Variants in MAGI2 observed in about 807,000 individuals in gnomAD.
MAGI2 encodes membrane associated guanylate kinase, WW and PDZ domain containing 2.
In MAGI2, 35 loss-of-function variants were observed where a neutral mutation model predicts 133.3. That is an observed-to-expected ratio of 0.26 (90% confidence interval 0.20 to 0.35). The LOEUF (loss-of-function observed/expected upper bound fraction) is 0.35, where lower values mean the gene tolerates loss of function less well. MAGI2 is among the 10% of genes least tolerant of loss of function. The probability of loss-of-function intolerance (pLI) is 1.00; values close to 1 mark genes in which losing one functional copy is unlikely to be tolerated. For missense variants in MAGI2, 1,636 were observed against 1,863.4 expected, an observed-to-expected ratio of 0.88 and a Z score of 2.25; for synonymous variants, 729 against 710.6, an observed-to-expected ratio of 1.03 and a Z score of -0.41.
At chr7:78,522,800 A>G (rs1042262046) in intron 3 of MAGI2, among the ~76,000 whole-genome samples, 1 of 152,210 alleles carries the variant, frequency 6.6e-6, no homozygotes, top group Non-Finnish European at 1.5e-5. Context: ...CTTTGAACCT[A>G]TATCAGTGTT....
chr7:79,417,919 G>T (rs1027860002), intron 1 of MAGI2, among the ~76,000 whole-genome samples: 2 of 151,932 alleles, frequency 1.3e-5, no homozygotes, highest in Non-Finnish European at 2.9e-5. Flanking sequence ...AAAAATTCTA[G>T]GTAGCAAAGT....
chr7:79,311,634 A>G (rs1042729558), intron 1 of MAGI2, among the ~76,000 whole-genome samples: 1 of 152,022 alleles, frequency 6.6e-6, no homozygotes, highest in Non-Finnish European at 1.5e-5. Context: ...TTTACGTACC[A>G]TCTACAAGCA....
intron 13 of MAGI2, among the ~76,000 whole-genome samples, chr7:78,179,526 C>T (rs1826983164): frequency 6.6e-6 from 1 of 152,110 alleles, no homozygotes; most frequent in Non-Finnish European, 1.5e-5. Flanking sequence ...GGGCAAATGC[C>T]GATTATTTAT....
intron 1 of MAGI2, among the ~76,000 whole-genome samples, chr7:79,246,986 T>C (rs1047823224): frequency 2.6e-5 from 4 of 152,172 alleles, no homozygotes; most frequent in African/African-American, 9.7e-5. Flanking sequence ...TAAGCCAGAA[T>C]AGAGGGGCAT....
At chr7:79,088,352 C>T (rs1816718533) in intron 1 of MAGI2, among the ~76,000 whole-genome samples, 1 of 152,172 alleles carries the variant, frequency 6.6e-6, no homozygotes. Flanking sequence ...GATTTTTGCA[C>T]ATTGATTTTG....
chr7:78,099,459 G>A (rs539426501), intron 20 of MAGI2, among the ~76,000 whole-genome samples: 16 of 152,108 alleles, frequency 1.1e-4, no homozygotes, highest in Non-Finnish European at 1.9e-4. Flanking sequence ...ATTAAACAGG[G>A]AGCTTTTTAA....
intron 21 of MAGI2, among the ~76,000 whole-genome samples, chr7:78,040,734 A>T (rs542013490): frequency 1.4e-4 from 21 of 152,220 alleles, no homozygotes; most frequent in African/African-American, 4.8e-4. Flanking sequence ...AGACGTCTAA[A>T]CCCTCGTGAA....
chr7:78,801,308 A>G (rs550309486), intron 2 of MAGI2, among the ~76,000 whole-genome samples: 17 of 152,334 alleles, frequency 1.1e-4, no homozygotes, highest in Admixed American at 4.6e-4. Context: ...TCATGTCTGC[A>G]TATCAGCACT....
intron 16 of MAGI2, among the ~76,000 whole-genome samples, chr7:78,145,428 T>C (rs73706529): frequency 0.016 from 2,490 of 152,272 alleles, 81 homozygotes; most frequent in African/African-American, 0.056. Flanking sequence ...TGTGAACCTT[T>C]ATTATACTAT....
At chr7:78,394,786 T>A (rs1400404524) in intron 6 of MAGI2, among the ~76,000 whole-genome samples, 1 of 152,200 alleles carries the variant, frequency 6.6e-6, no homozygotes, top group East Asian at 1.9e-4. Context: ...TTCTCAATGG[T>A]TGTTGCATTC....
intron 6 of MAGI2, among the ~76,000 whole-genome samples, chr7:78,437,581 G>A (rs1168458514): frequency 6.6e-6 from 1 of 152,110 alleles, no homozygotes; most frequent in Non-Finnish European, 1.5e-5. Flanking sequence ...ACAGCAGATG[G>A]GAGTCAAGGG....
intron 6 of MAGI2, 128 bp from the exon 7 acceptor site, chr7:78,369,341 A>C (rs540238505): frequency 3.2e-6 from 2 of 628,198 alleles, no homozygotes; most frequent in Admixed American, 3.0e-5. Context: ...CAGAGTCAGC[A>C]GCAAATTTCA....
chr7:78,603,815 C>T (rs1435719745), intron 3 of MAGI2, among the ~76,000 whole-genome samples: 1 of 152,128 alleles, frequency 6.6e-6, no homozygotes, highest in African/African-American at 2.4e-5. Flanking sequence ...GTCACCCCGC[C>T]CAGCCAATAT....
At chr7:78,270,098 G>A (rs183523696) in intron 9 of MAGI2, among the ~76,000 whole-genome samples, 1 of 152,146 alleles carries the variant, frequency 6.6e-6, no homozygotes, top group Admixed American at 6.5e-5. Flanking sequence ...GTATTTCTGG[G>A]GCCTCTGTTC....
At chr7:78,070,206 TATATATATATATACACAC>T (rs1431084931) in intron 21 of MAGI2, among the ~76,000 whole-genome samples, 7,591 of 48,180 alleles carry the variant, frequency 0.16, 371 homozygotes, top group Middle Eastern at 0.26. Flanking sequence ...TATATATATA[TATATATATATATACACAC>T]ACACACACAG....
intron 2 of MAGI2, among the ~76,000 whole-genome samples, chr7:78,988,477 A>T (rs557239107): frequency 6.6e-6 from 1 of 152,198 alleles, no homozygotes; most frequent in Non-Finnish European, 1.5e-5. Flanking sequence ...TTCAACATGG[A>T]AGGTTCATTT....
At chr7:78,852,911 G>A (rs1259646814) in intron 2 of MAGI2, among the ~76,000 whole-genome samples, 1 of 152,106 alleles carries the variant, frequency 6.6e-6, no homozygotes, top group African/African-American at 2.4e-5. Flanking sequence ...TCCTATAAAA[G>A]CAAGAATGAT....
chr7:79,184,887 C>G (rs978227110), intron 1 of MAGI2, among the ~76,000 whole-genome samples: 1 of 149,736 alleles, frequency 6.7e-6, no homozygotes, highest in African/African-American at 2.5e-5. Flanking sequence ...CAATTCATAA[C>G]CTCCTTTCCT....
At chr7:79,391,530 T>TATAGAC (rs1563180605) in intron 1 of MAGI2, among the ~76,000 whole-genome samples, 19 of 91,694 alleles carry the variant, frequency 2.1e-4, no homozygotes, top group South Asian at 2.9e-4. Flanking sequence ...TATATATATA[T>TATAGAC]ATATATAGAC....
Sources: allele counts gnomAD v4.1 joint callset (sites outside exome capture counted in the v4.1 genomes callset), GRCh38; gene constraint gnomAD v4.1.1; transcripts MANE v1.5; gene names NCBI Gene and HGNC (gene_info 2026-07-23, HGNC 2026-07-21).